FHIP1A: variants seen among roughly 807,000 people sequenced by gnomAD.
FHIP1A encodes the protein FHF complex subunit HOOK-interacting protein 1A.
FHIP1A carries 61 observed loss-of-function variants against 88.6 expected under a neutral mutation model. That is an observed-to-expected ratio of 0.69 (90% CI 0.56 to 0.85). The LOEUF (loss-of-function observed/expected upper bound fraction) is 0.85. Ranked by LOEUF, FHIP1A falls within the 40% of genes least tolerant of loss-of-function variation. The pLI, the probability that FHIP1A is intolerant of heterozygous loss-of-function variation, is 0.00. For missense variants in FHIP1A, 1,154 were observed against 1,273.5 expected, an observed-to-expected ratio of 0.91 and a Z score of 1.43; for synonymous variants, 478 against 496.0, an observed-to-expected ratio of 0.96 and a Z score of 0.48.
At chr4:151,639,395 G>C (rs978908936) in intron 9 of FHIP1A, among the ~76,000 whole-genome samples, 15 of 152,210 alleles carry the variant, frequency 9.9e-5, no homozygotes, top group Non-Finnish European at 4.4e-5. Context: ...TCATTTGGCA[G>C]TTTAATAGGG....
chr4:151,515,817 A>G (rs1731213150), intron 3 of FHIP1A, among the ~76,000 whole-genome samples: 1 of 152,186 alleles, frequency 6.6e-6, no homozygotes, highest in African/African-American at 2.4e-5. Context: ...AACAAATGGA[A>G]GAACATTCCA....
At chr4:151,552,607 T>C (rs1274656695) in intron 3 of FHIP1A, among the ~76,000 whole-genome samples, 1 of 151,814 alleles carries the variant, frequency 6.6e-6, no homozygotes, top group Non-Finnish European at 1.5e-5. Flanking sequence ...TTCTCACTCA[T>C]AGGTGGGAAT....
At chr4:151,614,835 T>C (rs954252894) in intron 7 of FHIP1A, among the ~76,000 whole-genome samples, 1 of 152,166 alleles carries the variant, frequency 6.6e-6, no homozygotes, top group African/African-American at 2.4e-5. Flanking sequence ...TCTGAGAGCA[T>C]TGATTCTATA....
intron 3 of FHIP1A, among the ~76,000 whole-genome samples, chr4:151,559,082 A>G (rs1474020465): frequency 6.6e-6 from 1 of 152,180 alleles, no homozygotes; most frequent in Non-Finnish European, 1.5e-5. Flanking sequence ...TTTCTGTTAA[A>G]TATCTTTCAG....
intron 5 of FHIP1A, among the ~76,000 whole-genome samples, chr4:151,581,953 G>A (rs894678324): frequency 1.3e-5 from 2 of 152,126 alleles, no homozygotes; most frequent in Non-Finnish European, 2.9e-5. Flanking sequence ...GGAGATTGAA[G>A]ATACTCTAGG....
intron 5 of FHIP1A, 48 bp downstream of exon 5, chr4:151,578,124 T>C (rs1733876412): frequency 6.7e-7 from 1 of 1,491,984 alleles, no homozygotes; most frequent in East Asian, 2.5e-5. Flanking sequence ...CTTTTTTCTC[T>C]TCTGTTGCTA....
chr4:151,529,464 A>T (rs1412647702), intron 3 of FHIP1A, among the ~76,000 whole-genome samples: 1 of 152,206 alleles, frequency 6.6e-6, no homozygotes, highest in African/African-American at 2.4e-5. Context: ...GAGCTAATTC[A>T]TGATTATCTC....
Position 151,629,731 on chromosome 4 carries a change from T to G in FHIP1A, c.1008T>G (p.Thr336=). ...KVTVEEVMTT[T]AYLDLFLRSI... ...CTGTGGAAGAGGTCATGACCACAACTGCATATCTGGACCTTTTCCTGCGTA... is the reference window on the plus strand; with the variant it reads ...CTGTGGAAGAGGTCATGACCACAACGGCATATCTGGACCTTTTCCTGCGTA... Residue 336 remains threonine (T), a synonymous_variant, in exon 8 of 14, where the codon ACT becomes ACG. Coordinates refer to ENST00000435205, the MANE Select transcript of FHIP1A (RefSeq NM_001109977.3). The G allele has an allele frequency of 6.4e-7, 1 of 1,551,276 alleles. No individual in the cohort carries two copies. The highest frequency in any genetic ancestry group is 8.7e-7 in the Non-Finnish European group (1 of 1,146,700).
chr4:151,550,941 G>A (rs140797366), intron 3 of FHIP1A, among the ~76,000 whole-genome samples: 26 of 152,350 alleles, frequency 1.7e-4, no homozygotes, highest in African/African-American at 5.8e-4. Context: ...CTCCCTCAGA[G>A]TTGTCCTGAA....
At chr4:151,556,062 A>T (rs1237496623) in intron 3 of FHIP1A, among the ~76,000 whole-genome samples, 3 of 152,148 alleles carry the variant, frequency 2.0e-5, no homozygotes, top group African/African-American at 7.2e-5. Flanking sequence ...ATAAATGTGA[A>T]CGATTCTCTA....
At position 151,663,796 on chromosome 4, in the gene FHIP1A, G is replaced by C. The variant is rs916060667; in HGVS notation, c.*1042G>C. ...AAACAGGAACTGTACAGCCCACTTT[G>C]GGACCTTGGATGTAAATGCAAACAG... On this transcript the variant is annotated 3_prime_UTR_variant, in exon 14 of 14. Coordinates refer to ENST00000435205, the MANE Select transcript of FHIP1A (RefSeq NM_001109977.3). 1.7e-4 allele frequency among the ~76,000 whole-genome samples: 26 copies of C among 152,220 alleles called. No individual in the cohort carries two copies. Among genetic ancestry groups the C allele is most frequent in the African/African-American group, 6.3e-4 (26 of 41,532 alleles).
chr4:151,649,465 T>C lies in FHIP1A; in HGVS notation c.1424T>C (p.Val475Ala). 1 of 1,546,328 alleles carries C rather than the reference T, an allele frequency of 6.5e-7. No homozygotes were observed. Among genetic ancestry groups the C allele is most frequent in the Non-Finnish European group, 8.7e-7 (1 of 1,144,294 alleles). ...SKCMHDTSGPVERPFPEAFSE... is the reference protein window; with the variant it reads ...SKCMHDTSGPAERPFPEAFSE... ...GCCTCTGCCTCCTGTGCAGGGCCTG[T>C]GGAGCGGCCATTCCCCGAAGCGTTC... The change falls in exon 11 of 14, where the codon GTG (valine) becomes GCG (alanine). Residue 475 changes from valine to alanine, a missense_variant. Coordinates refer to ENST00000435205, the MANE Select transcript of FHIP1A (RefSeq NM_001109977.3).
At chr4:151,411,882 G>A (rs781582307) in intron 1 of FHIP1A, among the ~76,000 whole-genome samples, 1 of 152,126 alleles carries the variant, frequency 6.6e-6, no homozygotes, top group African/African-American at 2.4e-5. Flanking sequence ...TTGGTTCTTA[G>A]CCCAGGTAGG....
At chr4:151,527,529 GGAGACCGTGGGGAGAGCGAGAGCGA>G (rs1327588338) in intron 3 of FHIP1A, among the ~76,000 whole-genome samples, 12 of 152,060 alleles carry the variant, frequency 7.9e-5, no homozygotes, top group Non-Finnish European at 1.6e-4. Context: ...AGAGGGAGAG[GGAGACCGTGGGGAGAGCGAGAGCGA>G]GAGAGAGAGG....
intron 7 of FHIP1A, among the ~76,000 whole-genome samples, chr4:151,599,642 G>GGCTTACTATAC (rs1734786323): frequency 1.3e-5 from 2 of 152,192 alleles, no homozygotes; most frequent in Non-Finnish European, 2.9e-5. Context: ...AGTGCTTCCA[G>GGCTTACTATAC]TCACTGGCTG....
intron 4 of FHIP1A, among the ~76,000 whole-genome samples, chr4:151,570,658 AC>A (rs2126779458): frequency 6.6e-6 from 1 of 152,228 alleles, no homozygotes; most frequent in African/African-American, 2.4e-5. Context: ...TATCTTCTTC[AC>A]ACTCATTACG....
intron 2 of FHIP1A, among the ~76,000 whole-genome samples, chr4:151,478,557 T>TA (rs1176493539): frequency 6.6e-6 from 1 of 152,172 alleles, no homozygotes; most frequent in East Asian, 1.9e-4. Context: ...GAATGCCGTA[T>TA]ATACTTCCTG....
At chr4:151,427,786 A>T (rs1187602581) in intron 1 of FHIP1A, among the ~76,000 whole-genome samples, 1 of 152,112 alleles carries the variant, frequency 6.6e-6, no homozygotes, top group Non-Finnish European at 1.5e-5. Flanking sequence ...GGTAATACAG[A>T]TATAAAATGA....
In FHIP1A at chr4:151,577,837, C is replaced by T; in HGVS notation, c.493C>T (p.Leu165=). 1 of 1,551,954 alleles carries T rather than the reference C, an allele frequency of 6.4e-7. No homozygotes were observed. Among genetic ancestry groups the T allele is most frequent in the Non-Finnish European group, 8.7e-7 (1 of 1,147,038 alleles). ...CACTGTGGAGGAGAAGCTGGTTGTC[C>T]TACTCAATCAGCTCTGTTCCATTCT... is the stretch of plus-strand genomic sequence containing the variant. ...TPTVEEKLVV[L]LNQLCSILAK... The change falls in exon 5 of 14, where the codon CTA becomes TTA. Residue 165 remains leucine, a synonymous_variant. Transcript: ENST00000435205.
Sources: gnomAD v4.1 joint callset for allele counts (sites outside exome capture counted in the v4.1 genomes callset) on GRCh38, gnomAD v4.1.1 for gene constraint, MANE v1.5 for transcripts, NCBI Gene and HGNC (gene_info 2026-07-23, HGNC 2026-07-21) for gene names.